CNTN4: variants seen among roughly 807,000 people sequenced by gnomAD.
The protein encoded by CNTN4 is contactin-4.
In CNTN4, 77 loss-of-function variants were observed where a neutral mutation model predicts 122.5. The ratio of observed to expected loss-of-function variants is 0.63; its 90% CI spans 0.52 to 0.76. The LOEUF is 0.76. Ranked by LOEUF, CNTN4 falls within the 30% of genes least tolerant of loss-of-function variation. The pLI is 0.00. For missense variants in CNTN4, 1,256 were observed against 1,259.1 expected (o/e 1.00, Z 0.04); for synonymous variants, 512 against 447.0 (o/e 1.15, Z -1.83).
At chr3:2,264,506 C>T (rs1046032223) in intron 2 of CNTN4, among the ~76,000 whole-genome samples, 1 of 151,966 alleles carries the variant, frequency 6.6e-6, no homozygotes, top group African/African-American at 2.4e-5. Flanking sequence ...CTCATGTATT[C>T]TGGTGATTAA....
intron 3 of CNTN4, among the ~76,000 whole-genome samples, chr3:2,353,173 C>T (rs1163912367): frequency 1.3e-5 from 2 of 151,918 alleles, no homozygotes; most frequent in Admixed American, 6.5e-5. Flanking sequence ...CCAATCAGCA[C>T]TGTGTATCTA....
chr3:2,471,185 A>G (rs2075671974), intron 3 of CNTN4, among the ~76,000 whole-genome samples: 1 of 152,222 alleles, frequency 6.6e-6, no homozygotes, highest in Non-Finnish European at 1.5e-5. Flanking sequence ...ATGTAAAGAG[A>G]CTTCTCAAAC....
intron 14 of CNTN4, among the ~76,000 whole-genome samples, chr3:3,022,071 CAAAAAAAAA>C (rs36094888): frequency 9.0e-6 from 1 of 110,630 alleles, no homozygotes; most frequent in African/African-American, 3.5e-5. Context: ...ACCAAGAATT[CAAAAAAAAA>C]AAAAAAAAAA....
chr3:2,923,336 T>C (rs1224463533), intron 12 of CNTN4, among the ~76,000 whole-genome samples: 1 of 152,206 alleles, frequency 6.6e-6, no homozygotes, highest in African/African-American at 2.4e-5. Context: ...TTTACATTTT[T>C]CTGTCAGTTC....
At chr3:2,453,462 A>C (rs2048899673) in intron 3 of CNTN4, among the ~76,000 whole-genome samples, 1 of 152,178 alleles carries the variant, frequency 6.6e-6, no homozygotes, top group Admixed American at 6.6e-5. Flanking sequence ...TTTCACCAAC[A>C]TAAAACCTCA....
intron 12 of CNTN4, among the ~76,000 whole-genome samples, chr3:2,913,988 A>G (rs573312200): frequency 3.9e-5 from 6 of 152,346 alleles, no homozygotes; most frequent in African/African-American, 1.4e-4. Flanking sequence ...GAAACTAGAA[A>G]TTGATAGCAG....
At chr3:2,222,523 CTTTATT>C (rs2039100148) in intron 2 of CNTN4, among the ~76,000 whole-genome samples, 1 of 151,736 alleles carries the variant, frequency 6.6e-6, no homozygotes, top group African/African-American at 2.4e-5. Flanking sequence ...GAATCATATA[CTTTATT>C]TTTAATTTTT....
intron 2 of CNTN4, among the ~76,000 whole-genome samples, chr3:2,274,175 G>C (rs2041408935): frequency 6.6e-6 from 1 of 152,030 alleles, no homozygotes; most frequent in African/African-American, 2.4e-5. Context: ...TTGAGCTCAG[G>C]AGCTCAAAAC....
intron 2 of CNTN4, among the ~76,000 whole-genome samples, chr3:2,121,556 G>T (rs2033785439): frequency 6.6e-6 from 1 of 151,304 alleles, no homozygotes; most frequent in Admixed American, 6.6e-5. Context: ...CAGTCCTATA[G>T]AATTGTAAGT....
Position 2,793,168 on chromosome 3 carries a change from C to T in CNTN4, c.359-26318C>T, listed in dbSNP as rs76811177. Among the ~76,000 whole-genome samples, 853 of 152,098 alleles carry T rather than the reference C, an allele frequency of 5.6e-3. 5 individuals are homozygous for T. The highest frequency in any genetic ancestry group is 8.3e-3 in the Non-Finnish European group (567 of 67,986). On this transcript the variant is annotated intron_variant, in intron 6 of 24. Transcript: ENST00000418658. ...AAACAAATTCACAATTAGCTTCATC[C>T]GAAATAGAAACAGGTTTGCTTGCTG...
At chr3:2,154,838 A>G (rs1169460607) in intron 2 of CNTN4, among the ~76,000 whole-genome samples, 1 of 152,222 alleles carries the variant, frequency 6.6e-6, no homozygotes, top group Non-Finnish European at 1.5e-5. Flanking sequence ...CCTCTGTGTG[A>G]TCCACAAAAG....
At chr3:2,767,223 G>C (rs1293354268) in intron 6 of CNTN4, among the ~76,000 whole-genome samples, 1 of 152,180 alleles carries the variant, frequency 6.6e-6, no homozygotes, top group African/African-American at 2.4e-5. Flanking sequence ...AATATATTCA[G>C]AGACAAGATG....
chr3:2,345,470 T>C (rs1263739057), intron 3 of CNTN4, among the ~76,000 whole-genome samples: 2 of 152,200 alleles, frequency 1.3e-5, no homozygotes, highest in Admixed American at 6.5e-5. Context: ...TGATGTTTTA[T>C]GCTTTTCCTT....
Position 2,788,578 on chromosome 3 carries a change from A to G in CNTN4, c.359-30908A>G, listed in dbSNP as rs115472407. On this transcript the variant is annotated intron_variant, in intron 6 of 24. Transcript: ENST00000418658. ...ATTATTTGGCTAAGTATTCTCCACA[A>G]TCTTTGGAAAAATATACTGTCTTGT... Among the ~76,000 whole-genome samples, 348 of 152,336 alleles carry G rather than the reference A, an allele frequency of 2.3e-3. 1 individual carries two copies. Among genetic ancestry groups the G allele is most frequent in the African/African-American group, 7.6e-3 (317 of 41,584 alleles).
At chr3:2,178,215 T>C (rs531757590) in intron 2 of CNTN4, among the ~76,000 whole-genome samples, 1 of 152,252 alleles carries the variant, frequency 6.6e-6, no homozygotes, top group South Asian at 2.1e-4. Context: ...CTGTAACACA[T>C]ATGTCTTTGA....
At chr3:2,580,927 G>A (rs1357319864) in intron 4 of CNTN4, among the ~76,000 whole-genome samples, 2 of 152,130 alleles carry the variant, frequency 1.3e-5, no homozygotes, top group Non-Finnish European at 1.5e-5. Flanking sequence ...TTAAATTTAG[G>A]TCTGCCCAGG....
chr3:2,663,986 T>A (rs1465495381), intron 4 of CNTN4, among the ~76,000 whole-genome samples: 1 of 152,020 alleles, frequency 6.6e-6, no homozygotes, highest in Non-Finnish European at 1.5e-5. Context: ...TTCTGGGGCA[T>A]TGAGAGGTAG....
chr3:2,940,369 C>A (rs2094602762), intron 13 of CNTN4, among the ~76,000 whole-genome samples: 1 of 152,184 alleles, frequency 6.6e-6, no homozygotes, highest in Non-Finnish European at 1.5e-5. Flanking sequence ...ACAATGAATT[C>A]ACAAGTGACC....
chr3:2,905,366 C>G (rs567552457), intron 12 of CNTN4, among the ~76,000 whole-genome samples: 1 of 152,154 alleles, frequency 6.6e-6, no homozygotes, highest in Non-Finnish European at 1.5e-5. Context: ...CCAGCATGGC[C>G]GGGTTCCGGT....
Sources: gnomAD v4.1 joint callset for allele counts (sites outside exome capture counted in the v4.1 genomes callset) on GRCh38, gnomAD v4.1.1 for gene constraint, MANE v1.5 for transcripts, NCBI Gene and HGNC (gene_info 2026-07-23, HGNC 2026-07-21) for gene names.